OIT3: variants seen among roughly 807,000 people sequenced by gnomAD.
The protein encoded by OIT3 is oncoprotein-induced transcript 3 protein.
A neutral mutation model predicts 52.2 loss-of-function variants in OIT3; 41 were observed. That is an observed-to-expected ratio of 0.79 (90% CI 0.61 to 1.02). OIT3 has a LOEUF of 1.02. Among genes scored for constraint, OIT3 ranks in the 50% least tolerant of loss-of-function variants. The pLI is 0.00. For missense variants in OIT3, 634 were observed against 715.5 expected (o/e 0.89, Z 1.30); for synonymous variants, 244 against 276.9 (o/e 0.88, Z 1.18).
intron 3 of OIT3, among the ~76,000 whole-genome samples, chr10:72,902,559 G>C (rs1028326001): frequency 1.3e-5 from 2 of 152,122 alleles, no homozygotes; most frequent in African/African-American, 4.8e-5. Context: ...TGCTAGTAAA[G>C]GCATACCCAA....
At chr10:72,931,750 C>A (rs980671251) in intron 8 of OIT3, among the ~76,000 whole-genome samples, 3 of 152,120 alleles carry the variant, frequency 2.0e-5, no homozygotes, top group African/African-American at 7.2e-5. Context: ...GATTTTTTAT[C>A]ATTGTTGTTA....
intron 2 of OIT3, 66 bp from the exon 3 acceptor site, chr10:72,900,311 T>TAAAA: frequency 5.5e-6 from 4 of 723,862 alleles, no homozygotes; most frequent in South Asian, 1.6e-5. Context: ...GCACCATCTC[T>TAAAA]AAAAAGAATG....
chr10:72,907,442 C>T (rs1241009041), intron 4 of OIT3, among the ~76,000 whole-genome samples: 1 of 152,144 alleles, frequency 6.6e-6, no homozygotes, highest in African/African-American at 2.4e-5. Context: ...CCAAGGAGCA[C>T]ACCTGGACTG....
At position 72,932,397 on chromosome 10, in the gene OIT3, A is replaced by G; in HGVS notation, c.1511A>G (p.Asp504Gly). ...CGGGTTCTTGTCTGTGGAGTGTTGGACGAGCGTTCCCGCTGTGCCCAGGGT... is the reference window on the plus strand; with the variant it reads ...CGGGTTCTTGTCTGTGGAGTGTTGGGCGAGCGTTCCCGCTGTGCCCAGGGT... Reference protein sequence around the residue: ...HCRVLVCGVLDERSRCAQGCH... With the variant: ...HCRVLVCGVLGERSRCAQGCH... The change falls in exon 9 of 9, where the codon GAC (aspartate) becomes GGC (glycine). Residue 504 changes from aspartate to glycine, a missense_variant. Transcript: ENST00000334011. 2 of 1,614,116 alleles carry G rather than the reference A, an allele frequency of 1.2e-6. No homozygotes were observed. The highest frequency in any genetic ancestry group is 1.7e-6 in the Non-Finnish European group (2 of 1,180,018).
chr10:72,930,896 C>T (rs1846211512), intron 8 of OIT3, among the ~76,000 whole-genome samples: 2 of 152,028 alleles, frequency 1.3e-5, no homozygotes, highest in Non-Finnish European at 2.9e-5. Context: ...ACTATAGGAT[C>T]ATAATTTAAT....
intron 3 of OIT3, among the ~76,000 whole-genome samples, chr10:72,902,696 G>T (rs1845944238): frequency 6.6e-6 from 1 of 152,182 alleles, no homozygotes; most frequent in Non-Finnish European, 1.5e-5. Flanking sequence ...TTACATGGCA[G>T]CAGGCAAGAG....
chr10:72,923,185 C>T (rs538420032), intron 6 of OIT3, among the ~76,000 whole-genome samples: 27 of 152,256 alleles, frequency 1.8e-4, no homozygotes, highest in South Asian at 2.1e-4. Flanking sequence ...CCTTTCCCCC[C>T]GGCATTTTAA....
chr10:72,918,677 G>A lies in OIT3; in HGVS notation c.951+5209G>A, dbSNP rs117623287. 1.9e-4 allele frequency: 114 copies of A among 594,194 alleles called. No homozygotes were observed. The East Asian group carries it at 3.0e-3, about 16-fold the overall frequency. The allele number at this position is 594,194 out of a possible 1,614,324, so 36.8% of individuals were successfully genotyped here. ...TCTTGAGTTAATTTTCGTATATGGT[G>A]TAAGGAAGGGGTCCAGTTTCAATTT... On this transcript the variant is annotated intron_variant, in intron 6 of 8. Transcript: ENST00000334011.
chr10:72,909,980 A>G (rs758160145), intron 4 of OIT3, among the ~76,000 whole-genome samples: 1 of 152,214 alleles, frequency 6.6e-6, no homozygotes, highest in Non-Finnish European at 1.5e-5. Context: ...AGAAGAAAAT[A>G]TAGAGGAGCA....
chr10:72,910,712 ATGTTT>A (rs750274419), intron 4 of OIT3, among the ~76,000 whole-genome samples: 13 of 152,200 alleles, frequency 8.5e-5, no homozygotes, highest in Non-Finnish European at 1.9e-4. Flanking sequence ...AGTGTCTCAG[ATGTTT>A]TGAAAACATC....
chr10:72,901,901 A>G (rs982096716), intron 3 of OIT3, among the ~76,000 whole-genome samples: 1 of 152,112 alleles, frequency 6.6e-6, no homozygotes, highest in Non-Finnish European at 1.5e-5. Context: ...AATTAGCCAG[A>G]CATGGTGGCA....
At chr10:72,922,856 A>T (rs536443517) in intron 6 of OIT3, among the ~76,000 whole-genome samples, 81 of 151,810 alleles carry the variant, frequency 5.3e-4, no homozygotes, top group African/African-American at 1.9e-3. Context: ...TGACCTTTGG[A>T]TGGGGTTTTG....
chr10:72,917,218 A>T (rs1846080446), intron 6 of OIT3, among the ~76,000 whole-genome samples: 1 of 151,950 alleles, frequency 6.6e-6, no homozygotes, highest in Non-Finnish European at 1.5e-5. Context: ...TGGCATCTTC[A>T]TCATGAAATC....
intron 6 of OIT3, chr10:72,918,461 A>T (rs1163400545): frequency 6.5e-6 from 6 of 922,628 alleles, no homozygotes; most frequent in African/African-American, 1.6e-5. Context: ...CATCTTTGTC[A>T]GCCTTAATTC....
chr10:72,932,437 G>C lies in OIT3; in HGVS notation c.1551G>C (p.Met517Ile), dbSNP rs1234717507. The change falls in exon 9 of 9, where the codon ATG becomes ATC. Residue 517 changes from methionine to isoleucine, a missense_variant. Met to Ile is a conservative substitution (Grantham distance 10). Coordinates refer to ENST00000334011, the MANE Select transcript of OIT3 (RefSeq NM_152635.3). ...SRCAQGCHRR[M>I]RRGAGGEDSA... ...GTGCCCAGGGTTGCCACCGGCGAAT[G>C]CGTCGTGGGGCAGGAGGAGAGGACT... is the stretch of plus-strand genomic sequence containing the variant. The C allele has an allele frequency of 1.3e-5, 21 of 1,614,094 alleles. No individual in the cohort carries two copies. Among genetic ancestry groups the C allele is most frequent in the Non-Finnish European group, 1.4e-5 (17 of 1,180,026 alleles).
intron 2 of OIT3, among the ~76,000 whole-genome samples, chr10:72,899,699 T>C (rs1282460282): frequency 2.2e-5 from 3 of 136,828 alleles, no homozygotes; most frequent in South Asian, 4.9e-4. Flanking sequence ...TTAAGATAGA[T>C]AGATGATAGA....
intron 7 of OIT3, among the ~76,000 whole-genome samples, chr10:72,928,089 T>C (rs1846184917): frequency 6.6e-6 from 1 of 152,190 alleles, no homozygotes; most frequent in Non-Finnish European, 1.5e-5. Context: ...ATTCATTTCT[T>C]TGATTTTTCA....
intron 4 of OIT3, among the ~76,000 whole-genome samples, chr10:72,909,408 C>G (rs956858339): frequency 2.0e-5 from 3 of 151,978 alleles, no homozygotes; most frequent in Non-Finnish European, 4.4e-5. Flanking sequence ...GTGTGAGCCA[C>G]TGTGCCAGGC....
rs139396966 is a variant in OIT3, at chr10:72,906,664, C to T, written c.613C>T (p.Arg205Cys). 3.5e-5 allele frequency: 56 copies of T among 1,612,058 alleles called. No homozygotes were observed. Among genetic ancestry groups the T allele is most frequent in the East Asian group, 1.3e-4 (6 of 44,748 alleles). The change falls in exon 4 of 9, where the codon CGC becomes TGC. Residue 205 changes from arginine (R) to cysteine (C), a missense_variant. Arg to Cys is a radical substitution (Grantham distance 180). Coordinates refer to ENST00000334011, the MANE Select transcript of OIT3 (RefSeq NM_152635.3). Reference protein sequence around the residue: ...EICVNLKNSYRCECGVGRVLR... With the variant: ...EICVNLKNSYCCECGVGRVLR... ...CTGTGTGAACCTCAAAAACTCCTAC[C>T]GCTGTGAGTGTGGGGTTGGCCGTGT...
Sources: allele counts gnomAD v4.1 joint callset (sites outside exome capture counted in the v4.1 genomes callset), GRCh38; gene constraint gnomAD v4.1.1; transcripts MANE v1.5; gene names NCBI Gene and HGNC (gene_info 2026-07-23, HGNC 2026-07-21).